PARP4: variants seen among roughly 807,000 people sequenced by gnomAD.
The protein encoded by PARP4 is poly(ADP-ribose) polymerase family member 4.
Under a neutral mutation model 187.7 loss-of-function variants are expected in PARP4, and 120 were observed. That is an observed-to-expected ratio of 0.64 (90% CI 0.55 to 0.74). The LOEUF (loss-of-function observed/expected upper bound fraction) is 0.74. Among genes scored for constraint, PARP4 ranks in the 30% least tolerant of loss-of-function variants. The pLI is 0.00. For missense variants in PARP4, 1,836 were observed against 2,070.5 expected, an observed-to-expected ratio of 0.89 and a Z score of 2.20; for synonymous variants, 654 against 740.9, an observed-to-expected ratio of 0.88 and a Z score of 1.90.
At position 24,434,564 on chromosome 13, in the gene PARP4, T is replaced by C. The variant is rs1870507844; in HGVS notation, c.4577A>G (p.Asp1526Gly). The C allele has an allele frequency of 6.2e-7, 1 of 1,613,488 alleles. No individual in the cohort carries two copies. Reference sequence around the variant, plus strand: ...GTCTTGAAGTACTTCTGATAGCTCATCACTTTCTGTGTCAGAACTTTGAAA... The same window carrying C: ...GTCTTGAAGTACTTCTGATAGCTCACCACTTTCTGTGTCAGAACTTTGAAA... ...FAFQSSDTES[D>G]ELSEVLQDSC... is the part of the protein sequence containing the mutation. Residue 1526 changes from aspartate (D) to glycine (G), a missense_variant, in exon 31 of 34, where the codon GAT becomes GGT. By Grantham distance (94) the Asp-to-Gly change is moderately conservative. Transcript: ENST00000381989.
chr13:24,479,461 G>C (rs185027988), intron 12 of PARP4, among the ~76,000 whole-genome samples: 2 of 152,186 alleles, frequency 1.3e-5, no homozygotes, highest in East Asian at 3.9e-4. Context: ...TGGGGACGTG[G>C]AGAACCTTTA....
chr13:24,457,296 G>A (rs967780959), intron 20 of PARP4, among the ~76,000 whole-genome samples: 4 of 152,154 alleles, frequency 2.6e-5, no homozygotes, highest in Non-Finnish European at 2.9e-5. Flanking sequence ...TCCTGTCTGC[G>A]TGCCCCTTTG....
At chr13:24,471,431 C>T (rs993373347) in intron 15 of PARP4, among the ~76,000 whole-genome samples, 2 of 152,074 alleles carry the variant, frequency 1.3e-5, no homozygotes, top group African/African-American at 4.8e-5. Flanking sequence ...TTTTAGATAA[C>T]GACAATAAAA....
intron 25 of PARP4, among the ~76,000 whole-genome samples, chr13:24,448,391 G>A (rs571298315): frequency 1.3e-5 from 2 of 151,848 alleles, no homozygotes; most frequent in South Asian, 2.1e-4. Context: ...CTAGATGACC[G>A]AGCAACACTG....
chr13:24,436,445 G>A (rs1870643705), intron 30 of PARP4, among the ~76,000 whole-genome samples: 1 of 151,800 alleles, frequency 6.6e-6, no homozygotes, highest in Admixed American at 6.6e-5. Context: ...CTGGGACTAT[G>A]AGCATGTGAC....
Position 24,455,035 on chromosome 13 carries a change from T to C in PARP4, c.2740A>G (p.Ile914Val), listed in dbSNP as rs200675338. The C allele has an allele frequency of 5.4e-5, 87 of 1,607,828 alleles. 1 individual carries two copies. Among genetic ancestry groups the C allele is most frequent in the Non-Finnish European group, 1.2e-5 (14 of 1,175,168 alleles). ...SLVGEKQKVN[I>V]IQFGTGYKEL... is the part of the protein sequence containing the mutation. Reference sequence around the variant, plus strand: ...CACTCACCTGTGCCGAACTGGATAATATTTACTTTCTGCTTCTCACCCACC... The same window carrying C: ...CACTCACCTGTGCCGAACTGGATAACATTTACTTTCTGCTTCTCACCCACC... The change falls in exon 22 of 34, where the codon ATT becomes GTT. Residue 914 changes from isoleucine (I) to valine (V), a missense_variant. By Grantham distance (29) the Ile-to-Val change is conservative. Coordinates refer to ENST00000381989, the MANE Select transcript of PARP4 (RefSeq NM_006437.4).
chr13:24,488,564 G>A (rs1868453289), intron 10 of PARP4, among the ~76,000 whole-genome samples: 1 of 151,796 alleles, frequency 6.6e-6, no homozygotes, highest in African/African-American at 2.4e-5. Flanking sequence ...ATGTTGCCCA[G>A]GCTGGTCTCA....
chr13:24,493,136 T>C (rs907119206), intron 8 of PARP4, among the ~76,000 whole-genome samples: 2 of 152,236 alleles, frequency 1.3e-5, no homozygotes, highest in Admixed American at 6.5e-5. Flanking sequence ...GTCTGCTCTT[T>C]TCATTGCAAT....
chr13:24,500,175 T>TA (rs1392752303), intron 4 of PARP4, 141 bp downstream of exon 4: 9 of 417,484 alleles, frequency 2.2e-5, no homozygotes, highest in Non-Finnish European at 3.4e-5. Context: ...AAGACTCAAA[T>TA]AAAAAATCAC....
intron 17 of PARP4, among the ~76,000 whole-genome samples, chr13:24,464,142 C>G (rs1872339499): frequency 1.3e-5 from 2 of 152,144 alleles, no homozygotes; most frequent in Middle Eastern, 3.4e-3. Flanking sequence ...TCAAGGAAAT[C>G]AGAGAGGACA....
chr13:24,442,354 A>G (rs1275013127), intron 29 of PARP4, among the ~76,000 whole-genome samples: 1 of 152,304 alleles, frequency 6.6e-6, no homozygotes, highest in Non-Finnish European at 1.5e-5. Context: ...ATTGTTAATA[A>G]TAACATTAAA....
intron 20 of PARP4, among the ~76,000 whole-genome samples, chr13:24,458,399 G>A (rs373503746): frequency 2.0e-5 from 3 of 150,854 alleles, no homozygotes; most frequent in East Asian, 3.9e-4. Flanking sequence ...ATGAGCCACC[G>A]CACTCAGCCA....
chr13:24,475,869 C>T (rs59686377), intron 14 of PARP4, among the ~76,000 whole-genome samples: 56,437 of 151,768 alleles, frequency 0.37, 10,824 homozygotes, highest in Middle Eastern at 0.43. Flanking sequence ...ACAGTAGACC[C>T]CTCCTCTCTG....
chr13:24,490,552 C>T (rs1363262359), intron 10 of PARP4, 116 bp downstream of exon 10: 6 of 828,134 alleles, frequency 7.2e-6, no homozygotes, highest in African/African-American at 5.1e-5. Flanking sequence ...ATCACACCAC[C>T]GCTACTGTGG....
intron 18 of PARP4, 102 bp from the exon 19 acceptor site, chr13:24,459,412 C>A (rs1593613538): frequency 4.5e-6 from 5 of 1,099,216 alleles, no homozygotes; most frequent in Non-Finnish European, 6.4e-6. Flanking sequence ...GTCAGCAAGA[C>A]AGCTGGTTTC....
chr13:24,446,168 T>C (rs1325774153), intron 27 of PARP4, among the ~76,000 whole-genome samples: 2 of 152,242 alleles, frequency 1.3e-5, no homozygotes, highest in African/African-American at 2.4e-5. Flanking sequence ...TATTGAGTTA[T>C]GAACATCTTT....
At chr13:24,449,070 A>G (rs780567071) in intron 25 of PARP4, among the ~76,000 whole-genome samples, 21 of 152,224 alleles carry the variant, frequency 1.4e-4, no homozygotes, top group Non-Finnish European at 2.1e-4. Flanking sequence ...GAATGTAGCT[A>G]ATACCACTAA....
At chr13:24,508,581 T>C (rs1267999429) in intron 1 of PARP4, among the ~76,000 whole-genome samples, 1 of 152,204 alleles carries the variant, frequency 6.6e-6, no homozygotes, top group African/African-American at 2.4e-5. Flanking sequence ...TGGTGAGACC[T>C]CGGCTCACGG....
At position 24,503,742 on chromosome 13, in the gene PARP4, C is replaced by G. The variant is rs1593657431; in HGVS notation, c.35G>C (p.Cys12Ser). 1.2e-6 allele frequency: 2 copies of G among 1,614,068 alleles called. No individual in the cohort carries two copies. Among genetic ancestry groups the G allele is most frequent in the Non-Finnish European group, 1.7e-6 (2 of 1,179,964 alleles). ...VMGIFANCIF[C>S]LKVKYLPQQQ... Reference sequence around the variant, plus strand: ...CTGAGGTAAGTACTTCACTTTCAAACAGAAGATACAATTTGCAAAGATTCC... The same window carrying G: ...CTGAGGTAAGTACTTCACTTTCAAAGAGAAGATACAATTTGCAAAGATTCC... The change falls in exon 2 of 34, where the codon TGT becomes TCT. Residue 12 changes from cysteine (C) to serine (S), a missense_variant. Around this residue, in one of 8 missense-constraint regions of PARP4, gnomAD observed 1,147 missense variants for 1,214.2 expected, o/e 0.94. Coordinates refer to ENST00000381989, the MANE Select transcript of PARP4 (RefSeq NM_006437.4).
Sources: gnomAD v4.1 joint callset for allele counts (sites outside exome capture counted in the v4.1 genomes callset) on GRCh38, gnomAD v4.1.1 for gene constraint, gnomAD v4.1.1 regional missense constraint, MANE v1.5 for transcripts, NCBI Gene and HGNC (gene_info 2026-07-23, HGNC 2026-07-21) for gene names.